Variants in EYA2 observed in about 807,000 individuals in gnomAD.
EYA2 encodes the protein protein phosphatase EYA2.
A neutral mutation model predicts 69.2 loss-of-function variants in EYA2; 31 were observed. The observed-to-expected ratio is 0.45, with a 90% CI of 0.34 to 0.60. EYA2 has a LOEUF of 0.60. Among genes scored for constraint, EYA2 ranks in the 20% least tolerant of loss-of-function variants. EYA2 has a pLI of 0.02. For missense variants in EYA2, 622 were observed against 701.2 expected (o/e 0.89, Z 1.28); for synonymous variants, 257 against 279.4 (o/e 0.92, Z 0.80).
chr20:47,016,852 C>A (rs960014212), intron 5 of EYA2, among the ~76,000 whole-genome samples: 21 of 152,268 alleles, frequency 1.4e-4, no homozygotes, highest in African/African-American at 5.1e-4. Context: ...AAGAGCAAGG[C>A]GCAATCACAC....
chr20:47,172,956 G>C (rs567629213), intron 12 of EYA2, 89 bp downstream of exon 12: 1 of 1,468,436 alleles, frequency 6.8e-7, no homozygotes, highest in Admixed American at 2.1e-5. Flanking sequence ...GCGCCAGGCA[G>C]AGAGGTTCAC....
intron 7 of EYA2, among the ~76,000 whole-genome samples, chr20:47,081,186 C>A (rs76553938): frequency 0.21 from 32,314 of 151,876 alleles, 4,128 homozygotes; most frequent in South Asian, 0.33. Context: ...AATTCAGTCA[C>A]CTCCCACTGG....
At chr20:46,944,166 C>G (rs1390178209) in intron 1 of EYA2, among the ~76,000 whole-genome samples, 1 of 152,206 alleles carries the variant, frequency 6.6e-6, no homozygotes, top group African/African-American at 2.4e-5. Flanking sequence ...GAGGGCCTGG[C>G]TGCTCCCAGG....
chr20:47,079,283 A>G (rs1379826682), intron 7 of EYA2, among the ~76,000 whole-genome samples: 1 of 152,230 alleles, frequency 6.6e-6, no homozygotes, highest in Admixed American at 6.5e-5. Flanking sequence ...CAACACAGTG[A>G]TATTTTACAG....
intron 8 of EYA2, among the ~76,000 whole-genome samples, chr20:47,093,219 C>G (rs966191272): frequency 2.0e-5 from 3 of 152,214 alleles, no homozygotes; most frequent in African/African-American, 4.8e-5. Context: ...TCCCTCTACT[C>G]CCAATGAAAC....
chr20:47,170,359 C>G (rs2034292840), intron 11 of EYA2, among the ~76,000 whole-genome samples: 1 of 151,974 alleles, frequency 6.6e-6, no homozygotes, highest in Non-Finnish European at 1.5e-5. Context: ...ATATGAGACA[C>G]CTTCAGGCCG....
intron 1 of EYA2, among the ~76,000 whole-genome samples, chr20:46,987,916 G>GTCTCTCTCTCTCTC (rs1555809755): frequency 9.3e-4 from 19 of 20,346 alleles, no homozygotes; most frequent in Non-Finnish European, 1.2e-3. Flanking sequence ...GACAGAGTAA[G>GTCTCTCTCTCTCTC]TCTCTCTCTC....
intron 5 of EYA2, among the ~76,000 whole-genome samples, chr20:47,024,354 A>G (rs73622695): frequency 0.022 from 3,390 of 152,302 alleles, 241 homozygotes; most frequent in East Asian, 0.18. Flanking sequence ...CCTTCTGAGT[A>G]TTCTACCCAA....
intron 1 of EYA2, among the ~76,000 whole-genome samples, chr20:46,934,861 G>T (rs1985841512): frequency 6.6e-6 from 1 of 152,234 alleles, no homozygotes; most frequent in Non-Finnish European, 1.5e-5. Flanking sequence ...GGATTGAGCA[G>T]AGGCCAGATG....
At chr20:47,104,957 G>A (rs1255455736) in intron 9 of EYA2, among the ~76,000 whole-genome samples, 1 of 152,136 alleles carries the variant, frequency 6.6e-6, no homozygotes, top group Non-Finnish European at 1.5e-5. Flanking sequence ...GGAGGTGGAG[G>A]CTGCAGTGAA....
chr20:46,942,700 A>G (rs1986206026), intron 1 of EYA2, among the ~76,000 whole-genome samples: 1 of 152,200 alleles, frequency 6.6e-6, no homozygotes, highest in Admixed American at 6.5e-5. Context: ...GCCAGGTCCC[A>G]TCATCTATGA....
At chr20:46,924,070 A>G (rs908508528) in intron 1 of EYA2, among the ~76,000 whole-genome samples, 1 of 152,144 alleles carries the variant, frequency 6.6e-6, no homozygotes, top group African/African-American at 2.4e-5. Flanking sequence ...GGGATTCCTC[A>G]TATTAATTTT....
chr20:46,985,604 C>T (rs936726753), intron 1 of EYA2, among the ~76,000 whole-genome samples: 3 of 152,132 alleles, frequency 2.0e-5, no homozygotes, highest in African/African-American at 7.2e-5. Flanking sequence ...ATGCAAATGC[C>T]TATAGGGACC....
At chr20:47,180,645 C>T (rs1449382667) in intron 13 of EYA2, among the ~76,000 whole-genome samples, 170 bp from the exon 14 acceptor site, 2 of 152,176 alleles carry the variant, frequency 1.3e-5, no homozygotes, top group East Asian at 3.8e-4. Flanking sequence ...CAGCTTCAGG[C>T]TTAAAAGAGA....
chr20:47,169,892 A>G (rs1291539619), intron 11 of EYA2, among the ~76,000 whole-genome samples: 1 of 151,878 alleles, frequency 6.6e-6, no homozygotes, highest in Non-Finnish European at 1.5e-5. Context: ...ATTAGCATAC[A>G]TATATATATT....
At position 47,016,248 on chromosome 20, in the gene EYA2, C is replaced by T; in HGVS notation, c.366C>T (p.Ser122=). 1.2e-6 allele frequency: 2 copies of T among 1,614,214 alleles called. No individual in the cohort carries two copies. The highest frequency in any genetic ancestry group is 1.7e-6 in the Non-Finnish European group (2 of 1,180,032). Residue 122 remains serine (S), a synonymous_variant, in exon 5 of 16, where the codon AGC becomes AGT. Coordinates refer to ENST00000327619, the MANE Select transcript of EYA2 (RefSeq NM_005244.5). The stretch of plus-strand genomic sequence containing the variant: ...GTGGATTCCTCAGCTATGGCTCCAG[C>T]TTCAGCACCTCACCCACTGGACAGA... The part of the protein sequence containing the change: ...GQSGFLSYGS[S]FSTSPTGQSP...
chr20:46,986,728 G>A (rs1436394383), intron 1 of EYA2, among the ~76,000 whole-genome samples: 9 of 152,024 alleles, frequency 5.9e-5, no homozygotes, highest in South Asian at 2.1e-4. Context: ...AACAGAAGGC[G>A]CAAGAGAGAT....
chr20:47,052,569 G>A (rs1362078246), intron 5 of EYA2, among the ~76,000 whole-genome samples: 1 of 152,186 alleles, frequency 6.6e-6, no homozygotes, highest in African/African-American at 2.4e-5. Context: ...GTGCCCTTTT[G>A]TAAACCGCTA....
At chr20:47,041,458 A>G (rs1024454311) in intron 5 of EYA2, among the ~76,000 whole-genome samples, 12 of 152,234 alleles carry the variant, frequency 7.9e-5, no homozygotes, top group African/African-American at 2.7e-4. Flanking sequence ...GACTAAGCAT[A>G]CATGTATATT....
Sources: gnomAD v4.1 joint callset for allele counts (sites outside exome capture counted in the v4.1 genomes callset) on GRCh38, gnomAD v4.1.1 for gene constraint, MANE v1.5 for transcripts, NCBI Gene and HGNC (gene_info 2026-07-23, HGNC 2026-07-21) for gene names.